Variants in COL21A1 observed in about 807,000 individuals in gnomAD.
COL21A1 encodes collagen alpha-1(XXI) chain.
Under a neutral mutation model 137.9 loss-of-function variants are expected in COL21A1, and 149 were observed. That is an observed-to-expected ratio of 1.08 (90% CI 0.95 to 1.24). The LOEUF (loss-of-function observed/expected upper bound fraction) is 1.24. Among genes scored for constraint, COL21A1 ranks in the 50% most tolerant of loss-of-function variants. COL21A1 has a pLI of 0.00. For synonymous variants in COL21A1, 456 were observed against 391.5 expected (o/e 1.16, Z -1.95); for missense variants, 1,167 against 1,158.4 (o/e 1.01, Z -0.11).
In COL21A1 at chr6:56,057,604, A is replaced by C. The variant is rs1391603709; in HGVS notation, c.*53T>G. The C allele has an allele frequency of 6.4e-7, 1 of 1,558,310 alleles. No homozygotes were observed. The highest frequency in any genetic ancestry group is 8.8e-7 in the Non-Finnish European group (1 of 1,133,940). On this transcript the variant is annotated 3_prime_UTR_variant, in exon 30 of 30. Transcript: ENST00000244728. ...ACTGTTGGTTATCTTCCTGAGATGC[A>C]AAAGACCACAGAAAAAGCACCATGC...
chr6:56,231,089 C>T (rs1225053408), intron 1 of COL21A1: 1 of 151,770 alleles, frequency 6.6e-6, no homozygotes, highest in Non-Finnish European at 1.5e-5. Context: ...CTTTTACCTC[C>T]CAGATGACTC....
intron 29 of COL21A1, among the ~76,000 whole-genome samples, chr6:56,058,335 T>G (rs1425475992): frequency 6.6e-6 from 1 of 152,178 alleles, no homozygotes; most frequent in African/African-American, 2.4e-5. Context: ...GTCATCAATA[T>G]CATCAATACT....
chr6:56,362,453 C>A (rs941332154), intron 1 of COL21A1, among the ~76,000 whole-genome samples: 1 of 152,006 alleles, frequency 6.6e-6, no homozygotes, highest in Non-Finnish European at 1.5e-5. Flanking sequence ...TATAAATAGA[C>A]CAGTAGGTAA....
chr6:56,184,890 C>T (rs1375177775), intron 1 of COL21A1, among the ~76,000 whole-genome samples: 1 of 152,138 alleles, frequency 6.6e-6, no homozygotes, highest in Non-Finnish European at 1.5e-5. Context: ...CACTTATCAT[C>T]TTTCTATTAT....
chr6:56,272,658 G>A (rs1364787584), intron 1 of COL21A1, among the ~76,000 whole-genome samples: 1 of 152,112 alleles, frequency 6.6e-6, no homozygotes, highest in East Asian at 1.9e-4. Flanking sequence ...TGTTGAGGGA[G>A]GGGCCTGGTG....
At chr6:56,133,141 A>G (rs1174251863) in intron 12 of COL21A1, among the ~76,000 whole-genome samples, 1 of 152,202 alleles carries the variant, frequency 6.6e-6, no homozygotes, top group African/African-American at 2.4e-5. Context: ...GCTCAGAAGA[A>G]CACAGAAAAA....
chr6:56,223,182 A>G (rs1183602268), intron 1 of COL21A1, among the ~76,000 whole-genome samples: 1 of 152,126 alleles, frequency 6.6e-6, no homozygotes, highest in Non-Finnish European at 1.5e-5. Context: ...ATCTGAAGTC[A>G]AGCTGATCAT....
chr6:56,381,036 T>C (rs942139000), intron 1 of COL21A1, among the ~76,000 whole-genome samples: 16 of 152,136 alleles, frequency 1.1e-4, no homozygotes, highest in Non-Finnish European at 1.6e-4. Context: ...TTATTTCCCA[T>C]AGGAGCAATA....
intron 1 of COL21A1, among the ~76,000 whole-genome samples, chr6:56,263,710 A>G (rs1763334705): frequency 6.6e-6 from 1 of 152,206 alleles, no homozygotes; most frequent in African/African-American, 2.4e-5. Context: ...GTTTTAGGCA[A>G]AAGTTCTATT....
In COL21A1 at chr6:56,098,650, T is replaced by C. The variant is rs1247581803; in HGVS notation, c.1812+2822A>G. 3.4e-3 allele frequency among the ~76,000 whole-genome samples: 175 copies of C among 51,530 alleles called. 31 individuals carry two copies. The highest frequency in any genetic ancestry group is 0.018 in the African/African-American group (169 of 9,198). The allele number at this position is 51,530 out of a possible 152,430, so 33.8% of individuals were successfully genotyped here. On this transcript the variant is annotated intron_variant, in intron 17 of 29. Coordinates refer to ENST00000244728, the MANE Select transcript of COL21A1 (RefSeq NM_030820.4). Reference sequence around the variant, plus strand: ...AAATATATATATAAATATATATAAATATATAAATATATATAAATATATATA... The same window carrying C: ...AAATATATATATAAATATATATAAACATATAAATATATATAAATATATATA...
chr6:56,192,805 A>G (rs1219487627), intron 1 of COL21A1, among the ~76,000 whole-genome samples: 1 of 152,176 alleles, frequency 6.6e-6, no homozygotes, highest in Non-Finnish European at 1.5e-5. Context: ...AGAACTAGAA[A>G]TACCATTTGA....
At chr6:56,087,627 T>C (rs1260295136) in intron 17 of COL21A1, among the ~76,000 whole-genome samples, 1 of 152,188 alleles carries the variant, frequency 6.6e-6, no homozygotes, top group Admixed American at 6.5e-5. Context: ...GTGTTTATAG[T>C]TTCCCTTCAA....
chr6:56,258,827 C>T (rs554863759), intron 1 of COL21A1, among the ~76,000 whole-genome samples: 2 of 152,236 alleles, frequency 1.3e-5, no homozygotes, highest in Admixed American at 6.5e-5. Context: ...TCCAAGCCAG[C>T]GTTTCTCAAA....
chr6:56,269,875 A>T (rs1763482588), intron 1 of COL21A1, among the ~76,000 whole-genome samples: 1 of 152,186 alleles, frequency 6.6e-6, no homozygotes, highest in African/African-American at 2.4e-5. Context: ...TCAGACAAGC[A>T]AACACTGATG....
intron 1 of COL21A1, among the ~76,000 whole-genome samples, chr6:56,275,100 A>G (rs1243381747): frequency 6.6e-6 from 1 of 152,148 alleles, no homozygotes. Flanking sequence ...CTGACAAAAA[A>G]CAAGCAATTA....
chr6:56,388,769 T>C (rs2094023438), intron 1 of COL21A1, among the ~76,000 whole-genome samples: 1 of 152,192 alleles, frequency 6.6e-6, no homozygotes, highest in African/African-American at 2.4e-5. Context: ...CAGGAAAATT[T>C]GACATCAGAA....
rs11410654 is a variant in COL21A1, at chr6:56,122,312, CT to C, written c.1758+1749del. Among the ~76,000 whole-genome samples the C allele has an allele frequency of 1.6e-3, 223 of 143,798 alleles. 1 individual carries two copies. The highest frequency in any genetic ancestry group is 7.1e-3 in the Middle Eastern group (2 of 280). The allele number at this position is 143,798 out of a possible 152,430, so 94.3% of individuals were successfully genotyped here. A position where few individuals can be genotyped will look rare whatever the true frequency, so the allele number is the denominator to read the frequency against. Reference sequence around the variant, plus strand: ...AGACCACTACATGGGCATGCGGTTTCTTTTTTTTTTTTTTCTTTGAGATGGA... The same window carrying C: ...AGACCACTACATGGGCATGCGGTTTCTTTTTTTTTTTTTCTTTGAGATGGA... On this transcript the variant is annotated intron_variant, in intron 16 of 29. Transcript: ENST00000244728.
intron 1 of COL21A1, among the ~76,000 whole-genome samples, chr6:56,388,933 G>A (rs1226819462): frequency 6.6e-6 from 1 of 152,150 alleles, no homozygotes; most frequent in Non-Finnish European, 1.5e-5. Context: ...AATGTACCAA[G>A]AGAAATACAA....
chr6:56,392,458 A>C (rs902047748), intron 1 of COL21A1, among the ~76,000 whole-genome samples: 28 of 152,176 alleles, frequency 1.8e-4, no homozygotes, highest in African/African-American at 6.8e-4. Flanking sequence ...CATTTTCACT[A>C]CTGTTTTTTC....
Sources: gnomAD v4.1 joint callset for allele counts (sites outside exome capture counted in the v4.1 genomes callset) on GRCh38, gnomAD v4.1.1 for gene constraint, MANE v1.5 for transcripts, NCBI Gene and HGNC (gene_info 2026-07-23, HGNC 2026-07-21) for gene names.